GALNT10: variants seen among roughly 807,000 people sequenced by gnomAD.
GALNT10 encodes GalNAc transferase 10.
Under a neutral mutation model 75.0 loss-of-function variants are expected in GALNT10, and 41 were observed. That is an observed-to-expected ratio of 0.55 (90% CI 0.43 to 0.71). The LOEUF is 0.71. Ranked by LOEUF, GALNT10 falls within the 30% of genes least tolerant of loss-of-function variation. GALNT10 has a pLI of 0.00. For missense variants in GALNT10, 727 were observed against 818.5 expected (o/e 0.89, Z 1.36); for synonymous variants, 302 against 313.0 (o/e 0.96, Z 0.37).
At chr5:154,414,043 T>C (rs1756454379) in intron 10 of GALNT10, among the ~76,000 whole-genome samples, 1 of 152,238 alleles carries the variant, frequency 6.6e-6, no homozygotes, top group African/African-American at 2.4e-5. Context: ...TTTAAAATGC[T>C]GAATTTCATT....
At chr5:154,260,615 T>C (rs927459703) in intron 1 of GALNT10, among the ~76,000 whole-genome samples, 8 of 152,290 alleles carry the variant, frequency 5.3e-5, no homozygotes, top group African/African-American at 1.7e-4. Context: ...TCAGAAAATA[T>C]TCAAAACCAC....
At chr5:154,192,618 C>A (rs1001752854) in intron 1 of GALNT10, among the ~76,000 whole-genome samples, 4 of 152,200 alleles carry the variant, frequency 2.6e-5, no homozygotes, top group African/African-American at 9.7e-5. Flanking sequence ...TTCTAACATT[C>A]TGTGATACTA....
chr5:154,397,876 A>G (rs4516909), intron 7 of GALNT10, among the ~76,000 whole-genome samples: 101,064 of 152,102 alleles, frequency 0.66, 34,887 homozygotes, highest in East Asian at 0.85. Flanking sequence ...CTCCATGGAC[A>G]ATCCCTTCCA....
chr5:154,353,214 G>C (rs1755236921), intron 4 of GALNT10, among the ~76,000 whole-genome samples: 1 of 152,132 alleles, frequency 6.6e-6, no homozygotes, highest in South Asian at 2.1e-4. Context: ...AGTTCAAGGT[G>C]AATTCTGTTT....
chr5:154,413,128 G>A (rs192727582), intron 10 of GALNT10, 123 bp downstream of exon 10: 18 of 648,226 alleles, frequency 2.8e-5, no homozygotes, highest in African/African-American at 1.7e-4. Context: ...AGTCAGCCCC[G>A]GGGATGAGTT....
intron 4 of GALNT10, among the ~76,000 whole-genome samples, chr5:154,371,631 G>T (rs1049500063): frequency 2.0e-5 from 3 of 151,550 alleles, no homozygotes; most frequent in Non-Finnish European, 4.4e-5. Context: ...TGTGGGAAGC[G>T]TGGGCCCTGA....
At position 154,352,984 on chromosome 5, in the gene GALNT10, A is replaced by G. The variant is rs1755232835; in HGVS notation, c.568+23246A>G. 6.6e-6 allele frequency among the ~76,000 whole-genome samples: 1 copy of G among 152,136 alleles called. No homozygotes were observed. Among genetic ancestry groups the G allele is most frequent in the Non-Finnish European group, 1.5e-5 (1 of 68,022 alleles). ...GAACTTGGATCCAGGAATCCTCACC[A>G]GCTCTGACCTCTTCTCCCCTCCTCT... On this transcript the variant is annotated intron_variant, in intron 4 of 11. Transcript: ENST00000297107. The surrounding 1 kb of genome is among the most constrained non-coding windows in gnomAD (Gnocchi z 4.4).
chr5:154,358,941 G>A (rs59914546), intron 4 of GALNT10, among the ~76,000 whole-genome samples: 1 of 152,092 alleles, frequency 6.6e-6, no homozygotes, highest in Non-Finnish European at 1.5e-5. Context: ...ATATGCCTTC[G>A]TCAGAGTGTT....
intron 4 of GALNT10, chr5:154,338,349 G>GA (rs1397728272): frequency 2.9e-5 from 14 of 481,338 alleles, no homozygotes; most frequent in Non-Finnish European, 5.4e-5. Context: ...ATTTGAGGCT[G>GA]AGATTTGAGA....
intron 1 of GALNT10, among the ~76,000 whole-genome samples, chr5:154,264,269 T>A (rs1390948594): frequency 7.2e-6 from 1 of 138,948 alleles, no homozygotes; most frequent in Non-Finnish European, 1.5e-5. Context: ...GCTGAGATCA[T>A]GCCACTGCAC....
At chr5:154,205,951 C>T (rs1487126946) in intron 1 of GALNT10, among the ~76,000 whole-genome samples, 1 of 152,224 alleles carries the variant, frequency 6.6e-6, no homozygotes, top group Admixed American at 6.5e-5. Flanking sequence ...AAGCCACCCA[C>T]TTTATGGTAC....
At chr5:154,383,735 A>C (rs1755767400) in intron 6 of GALNT10, among the ~76,000 whole-genome samples, 1 of 152,176 alleles carries the variant, frequency 6.6e-6, no homozygotes, top group Admixed American at 6.5e-5. Flanking sequence ...CAAGCGGTAG[A>C]TTTGTGGCTC....
chr5:154,419,371 A>AC lies in GALNT10; in HGVS notation c.*2404dup, dbSNP rs1756584024. The AC allele has an allele frequency of 6.6e-6, 1 of 151,610 alleles. No individual in the cohort carries two copies. The highest frequency in any genetic ancestry group is 1.5e-5 in the Non-Finnish European group (1 of 68,012). The allele number at this position is 151,610 out of a possible 1,614,324, so 9.4% of individuals were successfully genotyped here. On this transcript the variant is annotated 3_prime_UTR_variant, in exon 12 of 12. Coordinates refer to ENST00000297107, the MANE Select transcript of GALNT10 (RefSeq NM_198321.4). ...GCCATCCCTGCGGTCCACCCTCTGA[A>AC]CCCCCAGCATGTTTGTCCTGTTTCT...
At chr5:154,246,952 T>A (rs373705398) in intron 1 of GALNT10, among the ~76,000 whole-genome samples, 1 of 152,232 alleles carries the variant, frequency 6.6e-6, no homozygotes, top group Non-Finnish European at 1.5e-5. Flanking sequence ...GGTCTAACAT[T>A]TAAGTCTTTA....
chr5:154,296,805 C>G (rs1754281684), intron 2 of GALNT10, among the ~76,000 whole-genome samples: 1 of 152,136 alleles, frequency 6.6e-6, no homozygotes, highest in Admixed American at 6.5e-5. Context: ...TGGTCTCCTG[C>G]TTACTGTGTT....
intron 4 of GALNT10, among the ~76,000 whole-genome samples, chr5:154,366,806 T>C (rs944432257): frequency 6.6e-6 from 1 of 152,236 alleles, no homozygotes; most frequent in Non-Finnish European, 1.5e-5. Flanking sequence ...AATGCAATGA[T>C]AGTCCTGTGT....
At chr5:154,289,609 T>C (rs1433711544) in intron 1 of GALNT10, among the ~76,000 whole-genome samples, 2 of 152,224 alleles carry the variant, frequency 1.3e-5, no homozygotes, top group African/African-American at 4.8e-5. Context: ...GCCTCAGATT[T>C]CGTATCTGTA....
chr5:154,207,591 C>G (rs1035258343), intron 1 of GALNT10, among the ~76,000 whole-genome samples: 1 of 152,208 alleles, frequency 6.6e-6, no homozygotes. Flanking sequence ...ACGGGCAGGG[C>G]GGGTAAGCAG....
At position 154,217,876 on chromosome 5, in the gene GALNT10, A is replaced by G. The variant is rs150360010; in HGVS notation, c.159+26851A>G. The G allele has an allele frequency of 7.6e-4, 252 of 331,772 alleles. 1 individual carries two copies. The highest frequency in any genetic ancestry group is 5.5e-3 in the African/African-American group (248 of 45,226). The allele number at this position is 331,772 out of a possible 1,614,324, so 20.6% of individuals were successfully genotyped here. A position where few individuals can be genotyped will look rare whatever the true frequency, so the allele number is the denominator to read the frequency against. On this transcript the variant is annotated intron_variant, in intron 1 of 11. Transcript: ENST00000297107. ...ACATTGTAAGAGCTCAAAAATAGCT[A>G]TTAATTTTTTGGTGTTTGGAGAGAC... is the stretch of plus-strand genomic sequence containing the variant.
Sources: gnomAD v4.1 joint callset for allele counts (sites outside exome capture counted in the v4.1 genomes callset) on GRCh38, gnomAD v4.1.1 for gene constraint, Gnocchi (gnomAD v3.1) non-coding constraint, MANE v1.5 for transcripts, NCBI Gene and HGNC (gene_info 2026-07-23, HGNC 2026-07-21) for gene names.